The following RALYL variants were observed in gnomAD, a reference collection of about 807,000 sequenced individuals.
The protein encoded by RALYL is RNA-binding Raly-like protein.
RALYL carries 29 observed loss-of-function variants against 35.1 expected under a neutral mutation model. The ratio of observed to expected loss-of-function variants is 0.83; its 90% confidence interval spans 0.61 to 1.13. The LOEUF (loss-of-function observed/expected upper bound fraction) is 1.13. Among genes scored for constraint, RALYL ranks in the 50% most tolerant of loss-of-function variants. The pLI, the probability that RALYL is intolerant of heterozygous loss-of-function variation, is 0.00. For missense variants in RALYL, 359 were observed against 360.4 expected (o/e 1.00, Z 0.03); for synonymous variants, 120 against 127.6 (o/e 0.94, Z 0.40).
At chr8:84,583,015 C>G (rs905629250) in intron 2 of RALYL, among the ~76,000 whole-genome samples, 1 of 152,064 alleles carries the variant, frequency 6.6e-6, no homozygotes, top group African/African-American at 2.4e-5. Flanking sequence ...CTCCATCTAT[C>G]TATACACTAA....
intron 4 of RALYL, among the ~76,000 whole-genome samples, chr8:84,806,272 T>G (rs1824576977): frequency 6.6e-6 from 1 of 152,124 alleles, no homozygotes; most frequent in South Asian, 2.1e-4. Flanking sequence ...TAAAGCATGC[T>G]TTTTTCCCTA....
At chr8:84,876,825 T>G (rs112354989) in intron 7 of RALYL, among the ~76,000 whole-genome samples, 4 of 152,278 alleles carry the variant, frequency 2.6e-5, no homozygotes, top group African/African-American at 9.6e-5. Flanking sequence ...GATAAATTCA[T>G]CCTACCCATA....
chr8:84,271,648 C>T (rs2131950332), intron 1 of RALYL, among the ~76,000 whole-genome samples: 1 of 151,928 alleles, frequency 6.6e-6, no homozygotes, highest in Middle Eastern at 3.4e-3. Context: ...TGATGGACTA[C>T]TACCCAGCAG....
rs543976169 is a variant in RALYL at position 84,857,820 on chromosome 8, G to A, written c.414-4476G>A. Among the ~76,000 whole-genome samples, 10 of 152,206 alleles carry A rather than the reference G, an allele frequency of 6.6e-5. 1 individual carries two copies. The South Asian group carries it at 2.1e-3, about 32-fold the overall frequency. On this transcript the variant is annotated intron_variant, in intron 5 of 8. Transcript: ENST00000521268. Reference sequence around the variant, plus strand: ...ATTAAAGAATTATAGTAGTTGTTCTGGGGTCTGAGACTTAGAATTGTAGTT... The same window carrying A: ...ATTAAAGAATTATAGTAGTTGTTCTAGGGTCTGAGACTTAGAATTGTAGTT...
chr8:84,705,970 CTT>C, intron 2 of RALYL: 1 of 1,532,970 alleles, frequency 6.5e-7, no homozygotes, highest in Non-Finnish European at 8.7e-7. Context: ...CAACCCGTCT[CTT>C]TGTCTCCGTG....
At chr8:84,280,498 A>G (rs1313573300) in intron 1 of RALYL, among the ~76,000 whole-genome samples, 1 of 152,014 alleles carries the variant, frequency 6.6e-6, no homozygotes, top group Non-Finnish European at 1.5e-5. Context: ...ATTAGTTTAT[A>G]TTTCTAATTT....
intron 1 of RALYL, among the ~76,000 whole-genome samples, chr8:84,475,120 C>T (rs186035487): frequency 9.3e-5 from 14 of 151,348 alleles, no homozygotes; most frequent in East Asian, 2.0e-4. Context: ...TCCAAGTGTT[C>T]GCATTGTTCA....
intron 1 of RALYL, among the ~76,000 whole-genome samples, chr8:84,338,058 C>T (rs1015230762): frequency 6.6e-6 from 1 of 151,844 alleles, no homozygotes; most frequent in Non-Finnish European, 1.5e-5. Flanking sequence ...AGAAATTACC[C>T]GTACTCAGGT....
chr8:84,259,772 G>A (rs539680331), intron 1 of RALYL, among the ~76,000 whole-genome samples: 1 of 152,072 alleles, frequency 6.6e-6, no homozygotes, highest in East Asian at 1.9e-4. Context: ...CAACAGAAAA[G>A]TGTATAATAT....
chr8:84,236,209 G>C (rs773427492), intron 1 of RALYL, among the ~76,000 whole-genome samples: 10 of 152,042 alleles, frequency 6.6e-5, no homozygotes, highest in Non-Finnish European at 1.2e-4. Context: ...AGGCATATTT[G>C]GAAAGATGAG....
At position 84,870,613 on chromosome 8, in the gene RALYL, G is replaced by T. The variant is rs556540163; in HGVS notation, c.572-2671G>T. Among the ~76,000 whole-genome samples, 40 of 151,422 alleles carry T rather than the reference G, an allele frequency of 2.6e-4. No homozygotes were observed. In the East Asian group the frequency reaches 6.8e-3, roughly 26 times the overall value. The stretch of plus-strand genomic sequence containing the variant: ...TATATATATATATGCTCAACTACTA[G>T]AGAATAGTAAGCAAAAATAGGGATT... On this transcript the variant is annotated intron_variant, in intron 6 of 8. Coordinates refer to ENST00000521268, the MANE Select transcript of RALYL (RefSeq NM_173848.7).
intron 2 of RALYL, among the ~76,000 whole-genome samples, chr8:84,726,235 A>G (rs185860449): frequency 6.8e-6 from 1 of 147,012 alleles, no homozygotes; most frequent in African/African-American, 2.4e-5. Context: ...TTTTATATAT[A>G]AATATATATA....
At chr8:84,295,046 C>T (rs542005592) in intron 1 of RALYL, among the ~76,000 whole-genome samples, 3 of 152,176 alleles carry the variant, frequency 2.0e-5, no homozygotes, top group African/African-American at 7.2e-5. Flanking sequence ...CCAGATATTA[C>T]CTACAGAACC....
chr8:84,867,837 G>A (rs1055172264), intron 6 of RALYL, among the ~76,000 whole-genome samples: 6 of 151,958 alleles, frequency 3.9e-5, no homozygotes, highest in Admixed American at 6.6e-5. Flanking sequence ...TTCCATTGAC[G>A]AAATAGACAT....
At chr8:84,563,251 T>A (rs1166363422) in intron 2 of RALYL, among the ~76,000 whole-genome samples, 2 of 151,720 alleles carry the variant, frequency 1.3e-5, no homozygotes, top group Non-Finnish European at 2.9e-5. Context: ...TAAGATTCCA[T>A]AGCATCTTGG....
chr8:84,573,105 T>A (rs1218686856), intron 2 of RALYL, among the ~76,000 whole-genome samples: 2 of 151,458 alleles, frequency 1.3e-5, no homozygotes, highest in African/African-American at 4.8e-5. Flanking sequence ...ACTTTATGTA[T>A]ATTATTAACA....
intron 1 of RALYL, among the ~76,000 whole-genome samples, chr8:84,521,085 C>G (rs1409093469): frequency 1.3e-5 from 2 of 152,094 alleles, no homozygotes; most frequent in Non-Finnish European, 2.9e-5. Flanking sequence ...AGCCCTAACC[C>G]CTAATGTTAT....
intron 3 of RALYL, among the ~76,000 whole-genome samples, chr8:84,782,788 A>G (rs978978686): frequency 6.6e-6 from 1 of 152,200 alleles, no homozygotes; most frequent in African/African-American, 2.4e-5. Flanking sequence ...GCCTGGGATG[A>G]AGATGCTTTG....
intron 1 of RALYL, among the ~76,000 whole-genome samples, chr8:84,380,810 G>GGCACA (rs1447945837): frequency 6.6e-6 from 1 of 151,896 alleles, no homozygotes; most frequent in Non-Finnish European, 1.5e-5. Flanking sequence ...GTCCTTAACA[G>GGCACA]ATGCAGAAGT....
Sources: allele counts gnomAD v4.1 joint callset (sites outside exome capture counted in the v4.1 genomes callset), GRCh38; gene constraint gnomAD v4.1.1; transcripts MANE v1.5; gene names NCBI Gene and HGNC (gene_info 2026-07-23, HGNC 2026-07-21).